The following ATP9A variants were observed in gnomAD, a reference collection of about 807,000 sequenced individuals.
The protein encoded by ATP9A is ATPase phospholipid transporting 9A.
Under a neutral mutation model 144.1 loss-of-function variants are expected in ATP9A, and 52 were observed. The ratio of observed to expected loss-of-function variants is 0.36; its 90% CI spans 0.29 to 0.45. ATP9A has a LOEUF of 0.45. ATP9A is among the 20% of genes least tolerant of loss of function. The pLI is 1.00. For missense variants in ATP9A, 947 were observed against 1,392.7 expected (o/e 0.68, Z 5.09); for synonymous variants, 582 against 557.4 (o/e 1.04, Z -0.62).
chr20:51,724,229 C>T (rs1368151803), intron 3 of ATP9A, among the ~76,000 whole-genome samples: 5 of 152,078 alleles, frequency 3.3e-5, no homozygotes, highest in South Asian at 4.2e-4. Flanking sequence ...AGAATCCAAG[C>T]GTTCCCCCCC....
chr20:51,615,874 A>G (rs1001282499), intron 22 of ATP9A, among the ~76,000 whole-genome samples: 2 of 152,042 alleles, frequency 1.3e-5, no homozygotes, highest in Non-Finnish European at 1.5e-5. Context: ...GACCTCAGGT[A>G]ATCTGCCCAC....
chr20:51,763,220 C>G (rs2077888904), intron 1 of ATP9A, among the ~76,000 whole-genome samples: 1 of 151,292 alleles, frequency 6.6e-6, no homozygotes, highest in Non-Finnish European at 1.5e-5. Flanking sequence ...CTGGAGGAGA[C>G]TTTCGGAGGT....
intron 11 of ATP9A, 106 bp downstream of exon 11, chr20:51,674,047 T>A: frequency 1.5e-6 from 2 of 1,354,794 alleles, no homozygotes; most frequent in Middle Eastern, 1.9e-4. Flanking sequence ...CAAAACTCCA[T>A]CTCAGAAAAC....
At chr20:51,690,419 C>CA (rs1029011009) in intron 8 of ATP9A, among the ~76,000 whole-genome samples, 16 of 149,438 alleles carry the variant, frequency 1.1e-4, no homozygotes, top group East Asian at 5.9e-4. Context: ...GACTCCATCT[C>CA]AAAAAAAAAC....
chr20:51,748,907 T>TTAGATAGATAGATAGA (rs34474584), intron 1 of ATP9A, among the ~76,000 whole-genome samples: 6 of 143,156 alleles, frequency 4.2e-5, no homozygotes, highest in Non-Finnish European at 7.6e-5. Flanking sequence ...CCTCTAAAGA[T>TTAGATAGATAGATAGA]TAGATAGATA....
rs1297115894 is a variant in ATP9A at position 51,674,257 on chromosome 20, C to G, written c.933G>C (p.Leu311=). The G allele has an allele frequency of 6.2e-7, 1 of 1,613,884 alleles. No homozygotes were observed. Among genetic ancestry groups the G allele is most frequent in the Non-Finnish European group, 8.5e-7 (1 of 1,180,006 alleles). ...NCLTKILFGA[L]VVVSLVMVAL... ...CAACCATGACCAGCGAGACCACCAC[C>G]AGGGCACCAAAGAGGATCTTGGTGA... Residue 311 remains leucine, a synonymous_variant, in exon 11 of 28, where the codon CTG becomes CTC. Coordinates refer to ENST00000338821, the MANE Select transcript of ATP9A (RefSeq NM_006045.3).
chr20:51,765,861 G>A, intron 1 of ATP9A, among the ~76,000 whole-genome samples: 1 of 151,998 alleles, frequency 6.6e-6, no homozygotes, highest in Non-Finnish European at 1.5e-5. Context: ...GGAAGCTGAG[G>A]CAGAAGAATC....
At position 51,697,473 on chromosome 20, in the gene ATP9A, T is replaced by C; in HGVS notation, c.446A>G (p.Lys149Arg). The change falls in exon 5 of 28, where the codon AAG becomes AGG. Residue 149 changes from lysine (K) to arginine (R), a missense_variant. Physicochemically the swap from Lys to Arg is conservative, Grantham distance 26. Transcript: ENST00000338821. ...AACTTGGATGTTAGAACTCTTCACC[T>C]TCACTGTGCCTGCAAAGCAGCAGGT... ...YSRLTARGTVKVKSSNIQVGD... is the reference protein window; with the variant it reads ...YSRLTARGTVRVKSSNIQVGD... 1 of 1,613,550 alleles carries C rather than the reference T, an allele frequency of 6.2e-7. No homozygotes were observed. The highest frequency in any genetic ancestry group is 8.5e-7 in the Non-Finnish European group (1 of 1,179,776).
chr20:51,715,087 C>G (rs939418811), intron 3 of ATP9A, among the ~76,000 whole-genome samples: 3 of 152,156 alleles, frequency 2.0e-5, no homozygotes, highest in Non-Finnish European at 4.4e-5. Flanking sequence ...TAAATACAGT[C>G]AGCATAACCA....
chr20:51,642,508 CA>C (rs781650117), intron 14 of ATP9A, among the ~76,000 whole-genome samples: 34 of 151,816 alleles, frequency 2.2e-4, no homozygotes, highest in Admixed American at 9.9e-4. Flanking sequence ...TTCTATAGAT[CA>C]GGGGTGGACA....
chr20:51,622,069 T>C lies in ATP9A; in HGVS notation c.2115+5A>G, dbSNP rs2077229134. 7 of 1,613,800 alleles carry C rather than the reference T, an allele frequency of 4.3e-6. No homozygotes were observed. Among genetic ancestry groups the C allele is most frequent in the African/African-American group, 1.3e-5 (1 of 74,900 alleles). ...CACATGGCCCTAACGCAGAGGACACTTTACCAGCCGAAAAACGTGGATGTC... is the reference window on the plus strand; with the variant it reads ...CACATGGCCCTAACGCAGAGGACACCTTACCAGCCGAAAAACGTGGATGTC... On this transcript the variant is annotated splice_donor_5th_base_variant and intron_variant, in intron 19 of 27. Transcript: ENST00000338821.
chr20:51,751,722 G>A (rs1341378584), intron 1 of ATP9A, among the ~76,000 whole-genome samples: 2 of 152,046 alleles, frequency 1.3e-5, no homozygotes, highest in African/African-American at 4.8e-5. Context: ...TGAGTAGCTG[G>A]GACTGCAGGC....
intron 10 of ATP9A, among the ~76,000 whole-genome samples, chr20:51,675,686 C>A (rs1196933215): frequency 6.6e-6 from 1 of 152,136 alleles, no homozygotes; most frequent in East Asian, 1.9e-4. Flanking sequence ...TTGAGACCAG[C>A]CTGGCCAACA....
intron 1 of ATP9A, among the ~76,000 whole-genome samples, chr20:51,763,469 C>A (rs141411773): frequency 2.0e-5 from 3 of 151,564 alleles, no homozygotes; most frequent in Non-Finnish European, 4.4e-5. Flanking sequence ...CCCGCCACCA[C>A]ACCCAGCTAA....
At chr20:51,760,557 T>C (rs1240838994) in intron 1 of ATP9A, among the ~76,000 whole-genome samples, 2 of 151,456 alleles carry the variant, frequency 1.3e-5, no homozygotes, top group South Asian at 2.1e-4. Context: ...CGAAACCCCG[T>C]CTCTACTAAA....
chr20:51,710,527 C>A (rs543783831), intron 4 of ATP9A, among the ~76,000 whole-genome samples: 3 of 152,198 alleles, frequency 2.0e-5, no homozygotes, highest in African/African-American at 7.2e-5. Context: ...GGCCCTCCCC[C>A]CAAAAGCGTA....
At chr20:51,725,680 A>T in intron 3 of ATP9A, 139 bp downstream of exon 3, 1 of 608,606 alleles carries the variant, frequency 1.6e-6, no homozygotes, top group South Asian at 2.3e-5. Flanking sequence ...AGTCTCAGAG[A>T]CTCCCAATGT....
chr20:51,648,565 T>G (rs1013019023), intron 14 of ATP9A, among the ~76,000 whole-genome samples: 2 of 152,214 alleles, frequency 1.3e-5, no homozygotes, highest in Non-Finnish European at 2.9e-5. Context: ...AATGCAGTGC[T>G]TACGCCTGTA....
At chr20:51,762,931 G>A (rs911727125) in intron 1 of ATP9A, among the ~76,000 whole-genome samples, 5 of 151,744 alleles carry the variant, frequency 3.3e-5, no homozygotes, top group Admixed American at 3.3e-4. Flanking sequence ...TGTTGCCCAG[G>A]CTGCTCTTGA....
Sources: gnomAD v4.1 joint callset for allele counts (sites outside exome capture counted in the v4.1 genomes callset) on GRCh38, gnomAD v4.1.1 for gene constraint, MANE v1.5 for transcripts, NCBI Gene and HGNC (gene_info 2026-07-23, HGNC 2026-07-21) for gene names.